DNAJC5B: variants seen among roughly 807,000 people sequenced by gnomAD.
DNAJC5B encodes the protein dnaJ homolog subfamily C member 5B.
In DNAJC5B, 23 loss-of-function variants were observed where a neutral mutation model predicts 24.7. That is an observed-to-expected ratio of 0.93 (90% CI 0.67 to 1.32). DNAJC5B has a LOEUF of 1.32. Among genes scored for constraint, DNAJC5B ranks in the 40% most tolerant of loss-of-function variants. The probability of loss-of-function intolerance (pLI) is 0.00; values close to 1 mark genes in which losing one functional copy is unlikely to be tolerated. For missense variants in DNAJC5B, 238 were observed against 240.8 expected (o/e 0.99, Z 0.08); for synonymous variants, 101 against 90.1 (o/e 1.12, Z -0.68).
At chr8:66,031,755 A>G (rs2128956396) in intron 1 of DNAJC5B, among the ~76,000 whole-genome samples, 1 of 152,214 alleles carries the variant, frequency 6.6e-6, no homozygotes, top group South Asian at 2.1e-4. Flanking sequence ...AGCTGATTCG[A>G]TGATGGCCAC....
Position 66,031,806 on chromosome 8 carries a change from T to C in DNAJC5B, c.-142+10101T>C, listed in dbSNP as rs956066693. Among the ~76,000 whole-genome samples the C allele has an allele frequency of 8.1e-4, 124 of 152,320 alleles. 1 individual carries two copies. Among genetic ancestry groups the C allele is most frequent in the Non-Finnish European group, 6.8e-4 (46 of 68,024 alleles). ...GGTGGGGGGCAGCAACCTGCTTTAC[T>C]CAGTCAACTGATTCAAATGATTCAA... On this transcript the variant is annotated intron_variant, in intron 1 of 5. Transcript: ENST00000276570.
intron 5 of DNAJC5B, among the ~76,000 whole-genome samples, chr8:66,080,875 GGA>G (rs1441964946): frequency 1.3e-5 from 2 of 152,180 alleles, no homozygotes; most frequent in Non-Finnish European, 1.5e-5. Flanking sequence ...GCTCAGGGCA[GGA>G]GAACCAAGGT....
intron 3 of DNAJC5B, among the ~76,000 whole-genome samples, chr8:66,053,821 G>T (rs1046546210): frequency 6.6e-6 from 1 of 151,750 alleles, no homozygotes; most frequent in Non-Finnish European, 1.5e-5. Flanking sequence ...TAGAGACGGG[G>T]TTTCTCCATG....
intron 5 of DNAJC5B, among the ~76,000 whole-genome samples, chr8:66,081,609 T>C (rs1807598233): frequency 6.6e-6 from 1 of 152,120 alleles, no homozygotes; most frequent in South Asian, 2.1e-4. Flanking sequence ...TTTTATTCCC[T>C]ATGAAATGCA....
At chr8:66,058,373 T>C (rs1250521620) in intron 3 of DNAJC5B, among the ~76,000 whole-genome samples, 1 of 152,152 alleles carries the variant, frequency 6.6e-6, no homozygotes, top group African/African-American at 2.4e-5. Flanking sequence ...GGAAACAATC[T>C]TGGTTCCTGA....
intron 2 of DNAJC5B, among the ~76,000 whole-genome samples, chr8:66,044,182 AT>A (rs1202283030): frequency 1.3e-5 from 2 of 152,110 alleles, no homozygotes; most frequent in Non-Finnish European, 2.9e-5. Flanking sequence ...TAAACATAGG[AT>A]TTGCATTTTG....
At chr8:66,093,903 T>C (rs761869714) in intron 5 of DNAJC5B, among the ~76,000 whole-genome samples, 1 of 152,206 alleles carries the variant, frequency 6.6e-6, no homozygotes, top group South Asian at 2.1e-4. Flanking sequence ...TTACATGTAG[T>C]ATGATGTGGG....
intron 4 of DNAJC5B, among the ~76,000 whole-genome samples, chr8:66,079,117 T>C (rs370706791): frequency 3.3e-5 from 5 of 152,362 alleles, no homozygotes; most frequent in East Asian, 3.9e-4. Context: ...GAGTTTCTTT[T>C]AGTTTTTAGC....
chr8:66,022,758 A>T (rs899434465), intron 1 of DNAJC5B, among the ~76,000 whole-genome samples: 10 of 152,194 alleles, frequency 6.6e-5, no homozygotes, highest in African/African-American at 9.7e-5. Flanking sequence ...ATCCAGATAA[A>T]AGCAAAATAT....
intron 3 of DNAJC5B, among the ~76,000 whole-genome samples, chr8:66,068,105 G>C (rs988687511): frequency 1.3e-5 from 2 of 152,078 alleles, no homozygotes; most frequent in African/African-American, 4.8e-5. Context: ...AACACTTTCT[G>C]GTTTAAGATA....
the DNAJC5B span, among the ~76,000 whole-genome samples, chr8:66,015,608 G>C: frequency 2.0e-5 from 3 of 152,112 alleles, no homozygotes; most frequent in Non-Finnish European, 4.4e-5. Flanking sequence ...ATTAGCTAAA[G>C]GGAATAATTG....
At chr8:66,087,404 T>C (rs1327090380) in intron 5 of DNAJC5B, among the ~76,000 whole-genome samples, 2 of 152,122 alleles carry the variant, frequency 1.3e-5, no homozygotes, top group African/African-American at 2.4e-5. Flanking sequence ...AGCCAAACCA[T>C]ATCATTCTGC....
At chr8:66,043,319 C>T (rs982709229) in intron 1 of DNAJC5B, among the ~76,000 whole-genome samples, 169 bp from the exon 2 acceptor site, 1 of 152,016 alleles carries the variant, frequency 6.6e-6, no homozygotes, top group Non-Finnish European at 1.5e-5. Context: ...ATGGAGAGTC[C>T]CGGTGGAGAC....
At chr8:66,098,672 T>C (rs1808007603) in intron 5 of DNAJC5B, among the ~76,000 whole-genome samples, 1 of 152,114 alleles carries the variant, frequency 6.6e-6, no homozygotes, top group Non-Finnish European at 1.5e-5. Flanking sequence ...ACCTCTTTTA[T>C]ATTTTCTCTT....
chr8:66,076,798 G>C lies in DNAJC5B; in HGVS notation c.258G>C (p.Leu86=), dbSNP rs1214644457. The C allele has an allele frequency of 1.2e-6, 2 of 1,614,030 alleles. No homozygotes were observed. The highest frequency in any genetic ancestry group is 2.7e-5 in the African/African-American group (2 of 74,912). The change falls in exon 4 of 6, where the codon CTG becomes CTC. Residue 86 remains leucine (L), a synonymous_variant. Transcript: ENST00000276570. ...KRSIYDKYGS[L]GLYVAEQFGD... is the part of the protein sequence containing the mutation. The stretch of plus-strand genomic sequence containing the variant: ...GCATATACGACAAGTACGGATCGCT[G>C]GGACTCTACGTGGCCGAGCAGTTTG...
intron 3 of DNAJC5B, 133 bp from the exon 4 acceptor site, chr8:66,076,527 G>A: frequency 2.1e-6 from 2 of 935,464 alleles, no homozygotes; most frequent in Non-Finnish European, 1.6e-6. Context: ...GTTAATCACC[G>A]CTAGTCTGAA....
the DNAJC5B span, among the ~76,000 whole-genome samples, chr8:66,016,400 C>A: frequency 3.3e-5 from 5 of 152,174 alleles, no homozygotes; most frequent in Middle Eastern, 3.4e-3. Flanking sequence ...TTATAAGCGT[C>A]CGGCATTTCC....
chr8:66,058,624 T>C (rs1171260037), intron 3 of DNAJC5B, among the ~76,000 whole-genome samples: 1 of 152,260 alleles, frequency 6.6e-6, no homozygotes, highest in Non-Finnish European at 1.5e-5. Context: ...CTTCATTCTT[T>C]TACAGAATTA....
chr8:66,051,131 A>G (rs1335811037), intron 2 of DNAJC5B, among the ~76,000 whole-genome samples: 2 of 152,238 alleles, frequency 1.3e-5, no homozygotes, highest in African/African-American at 4.8e-5. Context: ...CTTGTCCCAT[A>G]TCCACCACTT....
Sources: allele counts gnomAD v4.1 joint callset (sites outside exome capture counted in the v4.1 genomes callset), GRCh38; gene constraint gnomAD v4.1.1; transcripts MANE v1.5; gene names NCBI Gene and HGNC (gene_info 2026-07-23, HGNC 2026-07-21).